Variants in FRY observed in about 807,000 individuals in gnomAD.
FRY encodes protein furry homolog.
Under a neutral mutation model 348.4 loss-of-function variants are expected in FRY, and 128 were observed. That is an observed-to-expected ratio of 0.37 (90% CI 0.32 to 0.43). The LOEUF is 0.43. Among genes scored for constraint, FRY ranks in the 20% least tolerant of loss-of-function variants. FRY has a pLI of 1.00. For synonymous variants in FRY, 1,370 were observed against 1,374.7 expected (o/e 1.00, Z 0.08); for missense variants, 2,736 against 3,695.2 (o/e 0.74, Z 6.73).
At chr13:32,083,002 CTTAACTA>C (rs1875599393) in intron 2 of FRY, among the ~76,000 whole-genome samples, 1 of 152,072 alleles carries the variant, frequency 6.6e-6, no homozygotes, top group Non-Finnish European at 1.5e-5. Flanking sequence ...CTGGAAAACT[CTTAACTA>C]TTAATTATAT....
intron 36 of FRY, among the ~76,000 whole-genome samples, chr13:32,221,842 G>A (rs1036400573): frequency 6.6e-6 from 1 of 152,132 alleles, no homozygotes; most frequent in African/African-American, 2.4e-5. Context: ...ATATTGTGAC[G>A]TTCATTCATT....
At chr13:32,060,633 T>A (rs755344742) in intron 1 of FRY, among the ~76,000 whole-genome samples, 1 of 152,184 alleles carries the variant, frequency 6.6e-6, no homozygotes, top group Non-Finnish European at 1.5e-5. Context: ...CCTACCTTTC[T>A]TGAATCACAG....
chr13:32,260,724 A>C (rs538778553), intron 51 of FRY, among the ~76,000 whole-genome samples: 145 of 151,692 alleles, frequency 9.6e-4, no homozygotes, highest in Non-Finnish European at 1.9e-3. Flanking sequence ...AAATACAAAA[A>C]ATTAGCCTGA....
At chr13:32,120,826 T>C (rs1340953758) in intron 4 of FRY, among the ~76,000 whole-genome samples, 1 of 152,208 alleles carries the variant, frequency 6.6e-6, no homozygotes, top group Non-Finnish European at 1.5e-5. Context: ...TGTGCCTGGC[T>C]AATTTTTGTA....
In FRY at chr13:32,183,004, A is replaced by G. The variant is rs769805489; in HGVS notation, c.3024A>G (p.Leu1008=). The part of the protein sequence containing the change: ...FRELVEELHP[L]MKEALERRPE... The stretch of plus-strand genomic sequence containing the variant: ...AATTGGTAGAAGAACTTCATCCATT[A>G]ATGAAAGAAGCTCTGGAAAGAAGAC... The change falls in exon 24 of 61, where the codon TTA becomes TTG. Residue 1008 remains leucine (L), a synonymous_variant. Transcript: ENST00000542859. The G allele has an allele frequency of 1.9e-6, 3 of 1,606,364 alleles. No homozygotes were observed. Among genetic ancestry groups the G allele is most frequent in the African/African-American group, 2.7e-5 (2 of 74,770 alleles).
chr13:32,110,338 TACAG>T, intron 3 of FRY, among the ~76,000 whole-genome samples: 1 of 152,286 alleles, frequency 6.6e-6, no homozygotes, highest in African/African-American at 2.4e-5. Flanking sequence ...TTCTTCGTTG[TACAG>T]ACATCTTTTT....
intron 4 of FRY, among the ~76,000 whole-genome samples, chr13:32,117,788 G>T (rs1474805615): frequency 6.6e-6 from 1 of 152,214 alleles, no homozygotes; most frequent in Non-Finnish European, 1.5e-5. Flanking sequence ...AAAGCAGAAT[G>T]CTGACTTCAG....
rs774425983 is a variant in FRY at position 32,101,945 on chromosome 13, T to C, written c.271-18T>C. The C allele has an allele frequency of 7.5e-7, 1 of 1,333,296 alleles. No homozygotes were observed. Among genetic ancestry groups the C allele is most frequent in the Non-Finnish European group, 1.1e-6 (1 of 924,074 alleles). 82.6% of individuals were successfully genotyped at this position (1,333,296 alleles called of 1,614,324 possible). ...AGACTCTAATAATTATTCTTGCATA[T>C]ATTCTTTTTCTTTCTAGGAAAAGCC... is the stretch of plus-strand genomic sequence containing the variant. On this transcript the variant is annotated intron_variant, in intron 2 of 60. Transcript: ENST00000542859.
intron 2 of FRY, among the ~76,000 whole-genome samples, chr13:32,098,798 A>C (rs545987188): frequency 5.9e-5 from 9 of 152,200 alleles, no homozygotes; most frequent in South Asian, 4.1e-4. Flanking sequence ...ATGAATAAAC[A>C]TATAGTATCT....
In FRY at chr13:32,145,526, G is replaced by GTTT. The variant is rs59585678; in HGVS notation, c.1180-1729_1180-1727dup. Among the ~76,000 whole-genome samples the GTTT allele has an allele frequency of 1.0e-3, 94 of 91,460 alleles. 3 individuals carry two copies. The highest frequency in any genetic ancestry group is 2.6e-3 in the African/African-American group (62 of 24,096). 60.0% of individuals were successfully genotyped at this position (91,460 alleles called of 152,430 possible). A position where few individuals can be genotyped will look rare whatever the true frequency, so the allele number is the denominator to read the frequency against. On this transcript the variant is annotated intron_variant, in intron 11 of 60. Transcript: ENST00000542859. ...CCACACTCCCCTCTCTGACTGATTT[G>GTTT]TTTTTTTTTTTTTTTTTTTTTTTTT...
At chr13:32,227,939 A>G (rs895132924) in intron 39 of FRY, among the ~76,000 whole-genome samples, 3 of 152,082 alleles carry the variant, frequency 2.0e-5, no homozygotes, top group African/African-American at 7.2e-5. Context: ...TTTGGTAGAG[A>G]CAGGGTTTCA....
intron 51 of FRY, chr13:32,258,101 T>C: frequency 1.3e-6 from 1 of 750,372 alleles, no homozygotes; most frequent in South Asian, 1.5e-5. Context: ...ATATTTCCAT[T>C]TAGGTGTGTG....
intron 1 of FRY, among the ~76,000 whole-genome samples, chr13:32,068,209 T>C (rs1377608295): frequency 2.0e-5 from 3 of 151,996 alleles, no homozygotes; most frequent in Non-Finnish European, 4.4e-5. Context: ...TTTGTAGAGT[T>C]CACATTAATG....
Position 32,178,446 on chromosome 13 carries a change from T to C in FRY, c.2681+10T>C. 1 of 1,614,044 alleles carries C rather than the reference T, an allele frequency of 6.2e-7. No individual in the cohort carries two copies. Among genetic ancestry groups the C allele is most frequent in the Non-Finnish European group, 8.5e-7 (1 of 1,179,912 alleles). The stretch of plus-strand genomic sequence containing the variant: ...CTCTGGTGGACCCAAAGTAAGGGAT[T>C]CTTGTGTTTTCCTCTGCCCTCTTGT... On this transcript the variant is annotated intron_variant, in intron 21 of 60. Transcript: ENST00000542859.
chr13:32,234,334 G>A (rs1055170249), intron 41 of FRY, among the ~76,000 whole-genome samples: 2 of 151,676 alleles, frequency 1.3e-5, no homozygotes, highest in Non-Finnish European at 2.9e-5. Flanking sequence ...GAGGTGGGAG[G>A]ATCACTTGAG....
Position 32,171,043 on chromosome 13 carries a change from C to T in FRY, c.1924C>T (p.His642Tyr). The change falls in exon 18 of 61, where the codon CAT becomes TAT. Residue 642 changes from histidine to tyrosine, a missense_variant. Around this residue, in one of 9 missense-constraint regions of FRY, gnomAD observed 191 missense variants for 370.2 expected, o/e 0.52. Transcript: ENST00000542859. The stretch of plus-strand genomic sequence containing the variant: ...TATTCATATGGATGATGAATTGCGA[C>T]ATATTGCACAAAATTCTCTTCAGGG... Reference protein sequence around the residue: ...LSIHMDDELRHIAQNSLQGLL... With the variant: ...LSIHMDDELRYIAQNSLQGLL... 1.2e-6 allele frequency: 2 copies of T among 1,609,650 alleles called. No individual in the cohort carries two copies. The highest frequency in any genetic ancestry group is 1.7e-6 in the Non-Finnish European group (2 of 1,175,956).
chr13:32,294,069 G>C (rs1372309428), intron 59 of FRY, among the ~76,000 whole-genome samples: 1 of 152,092 alleles, frequency 6.6e-6, no homozygotes, highest in Non-Finnish European at 1.5e-5. Context: ...CTGATCTCTT[G>C]TACTCTTTCC....
chr13:32,284,271 T>G (rs1204298221), intron 58 of FRY, among the ~76,000 whole-genome samples: 1 of 152,234 alleles, frequency 6.6e-6, no homozygotes, highest in Non-Finnish European at 1.5e-5. Flanking sequence ...TGTTAGGGTC[T>G]TTTTGGACAC....
At chr13:32,278,719 T>G (rs1888667259) in intron 58 of FRY, 171 bp downstream of exon 58, 2 of 725,704 alleles carry the variant, frequency 2.8e-6, no homozygotes, top group South Asian at 2.8e-5. Flanking sequence ...TGACTGTGTG[T>G]TGATGGGATT....
Sources: gnomAD v4.1 joint callset for allele counts (sites outside exome capture counted in the v4.1 genomes callset) on GRCh38, gnomAD v4.1.1 for gene constraint, gnomAD v4.1.1 regional missense constraint, MANE v1.5 for transcripts, NCBI Gene and HGNC (gene_info 2026-07-23, HGNC 2026-07-21) for gene names.